Variants in CSMD3 observed in about 807,000 individuals in gnomAD.
The protein encoded by CSMD3 is CUB and Sushi multiple domains 3.
In CSMD3, 177 loss-of-function variants were observed where a neutral mutation model predicts 435.2. The ratio of observed to expected loss-of-function variants is 0.41; its 90% CI spans 0.36 to 0.46. CSMD3 has a LOEUF of 0.46. CSMD3 is among the 20% of genes least tolerant of loss of function. The pLI, the probability that CSMD3 is intolerant of heterozygous loss-of-function variation, is 0.34. For synonymous variants in CSMD3, 1,656 were observed against 1,520.5 expected, an observed-to-expected ratio of 1.09 and a Z score of -2.07; for missense variants, 4,265 against 4,504.6, an observed-to-expected ratio of 0.95 and a Z score of 1.52.
chr8:112,389,268 A>T (rs1830211958), intron 36 of CSMD3, among the ~76,000 whole-genome samples: 1 of 152,186 alleles, frequency 6.6e-6, no homozygotes, highest in South Asian at 2.1e-4. Context: ...TAATATATAG[A>T]TGCTCTTGAA....
chr8:113,058,689 G>A (rs1446551940), intron 5 of CSMD3, among the ~76,000 whole-genome samples: 5 of 151,866 alleles, frequency 3.3e-5, no homozygotes, highest in African/African-American at 7.2e-5. Context: ...CTTAGGTACT[G>A]TTTCTACTTT....
rs574322844 is a variant in CSMD3 at position 113,005,001 on chromosome 8, CAAG to C, written c.1030+14063_1030+14065del. Among the ~76,000 whole-genome samples the C allele has an allele frequency of 1.5e-3, 227 of 151,616 alleles. 2 individuals carry two copies. Among genetic ancestry groups the C allele is most frequent in the East Asian group, 4.5e-3 (23 of 5,152 alleles). On this transcript the variant is annotated intron_variant, in intron 6 of 70. Transcript: ENST00000297405. ...ACATCATTATATATATACCAAATCTCAAGAGACATATATGTATATAAATGCATA... is the reference window on the plus strand; with the variant it reads ...ACATCATTATATATATACCAAATCTCAGACATATATGTATATAAATGCATA...
intron 28 of CSMD3, among the ~76,000 whole-genome samples, chr8:112,512,042 C>G (rs190872511): frequency 6.6e-6 from 1 of 152,166 alleles, no homozygotes. Flanking sequence ...GCTACTTCTA[C>G]CACATCTGCA....
intron 54 of CSMD3, among the ~76,000 whole-genome samples, chr8:112,293,689 G>A (rs1425430643): frequency 2.0e-5 from 3 of 151,888 alleles, no homozygotes; most frequent in Non-Finnish European, 4.4e-5. Flanking sequence ...ACATAGTGCT[G>A]GCTTTCCCCA....
At chr8:112,516,118 T>C (rs562045169) in intron 28 of CSMD3, among the ~76,000 whole-genome samples, 1 of 152,238 alleles carries the variant, frequency 6.6e-6, no homozygotes, top group Admixed American at 6.6e-5. Context: ...CTGTGAAGTT[T>C]ATGGGTTAGG....
chr8:112,461,909 C>T (rs966734127), intron 32 of CSMD3, among the ~76,000 whole-genome samples: 2 of 152,172 alleles, frequency 1.3e-5, no homozygotes, highest in Non-Finnish European at 2.9e-5. Flanking sequence ...CTTTCCCATA[C>T]TTTAATTCTC....
chr8:112,936,883 A>G (rs2083295631), intron 9 of CSMD3, among the ~76,000 whole-genome samples: 1 of 152,124 alleles, frequency 6.6e-6, no homozygotes, highest in African/African-American at 2.4e-5. Context: ...TTTAAACTTT[A>G]CTTCAATAAA....
At chr8:112,470,927 GT>G (rs200321946) in intron 32 of CSMD3, among the ~76,000 whole-genome samples, 2,646 of 151,984 alleles carry the variant, frequency 0.017, 80 homozygotes, top group African/African-American at 0.06. Flanking sequence ...AAAAAAAACA[GT>G]TTTAAAAACC....
At chr8:112,894,097 T>A (rs184275089) in intron 10 of CSMD3, among the ~76,000 whole-genome samples, 1 of 151,540 alleles carries the variant, frequency 6.6e-6, no homozygotes, top group East Asian at 2.0e-4. Flanking sequence ...TTCTGTAATA[T>A]CAAACTTGGG....
At chr8:113,424,274 A>T (rs1165664790) in intron 1 of CSMD3, among the ~76,000 whole-genome samples, 1 of 151,704 alleles carries the variant, frequency 6.6e-6, no homozygotes, top group African/African-American at 2.4e-5. Context: ...ATGAAATGAC[A>T]GTATTTTCCC....
chr8:113,199,398 T>C (rs2092693981), intron 3 of CSMD3, among the ~76,000 whole-genome samples: 2 of 151,786 alleles, frequency 1.3e-5, no homozygotes, highest in African/African-American at 4.8e-5. Flanking sequence ...AGTAGATTAC[T>C]GTTGATCTGT....
intron 6 of CSMD3, among the ~76,000 whole-genome samples, chr8:112,990,902 A>G (rs1010796291): frequency 4.6e-5 from 7 of 151,894 alleles, no homozygotes; most frequent in Non-Finnish European, 2.9e-5. Context: ...TGTTTCTTAA[A>G]AGAAAAGATA....
intron 42 of CSMD3, 36 bp downstream of exon 42, chr8:112,341,441 G>A (rs1456658703): frequency 7.9e-7 from 1 of 1,268,608 alleles, no homozygotes; most frequent in Non-Finnish European, 1.2e-6. Context: ...CTGATTTGGG[G>A]TTATATAAAT....
At chr8:112,866,495 A>G (rs2080987869) in intron 10 of CSMD3, among the ~76,000 whole-genome samples, 1 of 152,112 alleles carries the variant, frequency 6.6e-6, no homozygotes, top group African/African-American at 2.4e-5. Context: ...TATTATTTAA[A>G]CTGTTTGCTG....
At chr8:112,884,204 T>C (rs1041521601) in intron 10 of CSMD3, among the ~76,000 whole-genome samples, 8 of 151,874 alleles carry the variant, frequency 5.3e-5, no homozygotes, top group African/African-American at 1.9e-4. Flanking sequence ...TTTCAAACAA[T>C]GTACAGACCT....
Position 112,893,168 on chromosome 8 carries a change from T to C in CSMD3, c.1633+28459A>G, listed in dbSNP as rs372740770. On this transcript the variant is annotated intron_variant, in intron 10 of 70. Coordinates refer to ENST00000297405, the MANE Select transcript of CSMD3 (RefSeq NM_198123.2). ...GCTTAATAATTGGGTTTTTACTATG[T>C]ACCAGGCACTGTATGCATTATCTTA... Among the ~76,000 whole-genome samples, 309 of 151,500 alleles carry C rather than the reference T, an allele frequency of 2.0e-3. 1 individual carries two copies. Among genetic ancestry groups the C allele is most frequent in the African/African-American group, 7.0e-3 (291 of 41,410 alleles).
intron 1 of CSMD3, among the ~76,000 whole-genome samples, chr8:113,398,756 T>C (rs921077007): frequency 6.6e-6 from 1 of 152,074 alleles, no homozygotes; most frequent in Non-Finnish European, 1.5e-5. Flanking sequence ...ACTTCAGATA[T>C]GTGGGAATAT....
At chr8:113,183,625 A>G (rs987039171) in intron 3 of CSMD3, among the ~76,000 whole-genome samples, 3 of 151,740 alleles carry the variant, frequency 2.0e-5, no homozygotes, top group African/African-American at 7.3e-5. Context: ...GGTTTCTCCA[A>G]CCCGTAAGTC....
Position 113,195,791 on chromosome 8 carries a change from T to TTTTA in CSMD3, c.515-21876_515-21875insTAAA, listed in dbSNP as rs774744591. 3.2e-5 allele frequency among the ~76,000 whole-genome samples: 4 copies of TTTTA among 126,022 alleles called. No homozygotes were observed. In the East Asian group the frequency reaches 9.2e-4, roughly 29 times the overall value. 82.7% of individuals were successfully genotyped at this position (126,022 alleles called of 152,430 possible). A position where few individuals can be genotyped will look rare whatever the true frequency, so the allele number is the denominator to read the frequency against. On this transcript the variant is annotated intron_variant, in intron 3 of 70. Coordinates refer to ENST00000297405, the MANE Select transcript of CSMD3 (RefSeq NM_198123.2). ...ATATATAATATTCATATCCTATATTTTATATATATATATATATATATATAC... is the reference window on the plus strand; with the variant it reads ...ATATATAATATTCATATCCTATATTTTTTATATATATATATATATATATATATAC...
Sources: gnomAD v4.1 joint callset for allele counts (sites outside exome capture counted in the v4.1 genomes callset) on GRCh38, gnomAD v4.1.1 for gene constraint, MANE v1.5 for transcripts, NCBI Gene and HGNC (gene_info 2026-07-23, HGNC 2026-07-21) for gene names.